SSC4D: variants seen among roughly 807,000 people sequenced by gnomAD.
The protein encoded by SSC4D is scavenger receptor cysteine rich family member with 4 domains, also known as scavenger receptor cysteine-rich domain-containing group B protein.
A neutral mutation model predicts 63.4 loss-of-function variants in SSC4D; 57 were observed. The ratio of observed to expected loss-of-function variants is 0.90; its 90% CI spans 0.73 to 1.12. SSC4D has a LOEUF of 1.12. Ranked by LOEUF, SSC4D falls within the 50% of genes most tolerant of loss-of-function variation. SSC4D has a pLI of 0.00. For missense variants in SSC4D, 791 were observed against 806.4 expected, an observed-to-expected ratio of 0.98 and a Z score of 0.23; for synonymous variants, 352 against 345.4, an observed-to-expected ratio of 1.02 and a Z score of -0.21.
chr7:76,406,815 C>A (rs1805050466), intron 1 of SSC4D, among the ~76,000 whole-genome samples: 1 of 151,812 alleles, frequency 6.6e-6, no homozygotes, highest in South Asian at 2.1e-4. Flanking sequence ...GGCCTTTCCA[C>A]CCAAAATGGG....
At chr7:76,403,709 T>C (rs1804903759) in intron 2 of SSC4D, among the ~76,000 whole-genome samples, 1 of 151,838 alleles carries the variant, frequency 6.6e-6, no homozygotes, top group South Asian at 2.1e-4. Flanking sequence ...TCACCCAGGC[T>C]GGAGTGCAGT....
In SSC4D at chr7:76,392,036, C is replaced by G; in HGVS notation, c.1339G>C (p.Glu447Gln). 1 of 1,572,184 alleles carries G rather than the reference C, an allele frequency of 6.4e-7. No individual in the cohort carries two copies. The highest frequency in any genetic ancestry group is 8.6e-7 in the Non-Finnish European group (1 of 1,158,066). Residue 447 changes from glutamate to glutamine, a missense_variant, in exon 10 of 11, where the codon GAG (glutamate) becomes CAG (glutamine). Glu to Gln is a conservative substitution (Grantham distance 29). Transcript: ENST00000275560. ...TGCTGGACTTGCAGTCCCAGCTCCT[C>G]TGGGCCTGGTTCAGGAAGGACAGAG... ...EDAGALCAGPEELGLQVQQDG... is the reference protein window; with the variant it reads ...EDAGALCAGPQELGLQVQQDG...
At chr7:76,406,214 G>A (rs1416726874) in intron 1 of SSC4D, among the ~76,000 whole-genome samples, 2 of 152,106 alleles carry the variant, frequency 1.3e-5, no homozygotes, top group Non-Finnish European at 2.9e-5. Flanking sequence ...CTGACCTCAG[G>A]TGATCCACGC....
At chr7:76,400,885 C>T (rs1804802099) in intron 3 of SSC4D, 123 bp downstream of exon 3, 1 of 1,353,516 alleles carries the variant, frequency 7.4e-7, no homozygotes, top group South Asian at 1.3e-5. Flanking sequence ...TACAGCTCCC[C>T]TGAGATGGGG....
At chr7:76,401,745 G>A (rs1232370163) in intron 2 of SSC4D, among the ~76,000 whole-genome samples, 4 of 152,122 alleles carry the variant, frequency 2.6e-5, no homozygotes, top group Non-Finnish European at 4.4e-5. Flanking sequence ...CCAGCTTGGA[G>A]CCCCTTCCTC....
In SSC4D at chr7:76,389,838, T is replaced by C. The variant is rs916304280; in HGVS notation, c.*221A>G. 8 of 594,872 alleles carry C rather than the reference T, an allele frequency of 1.3e-5. No homozygotes were observed. Among genetic ancestry groups the C allele is most frequent in the Middle Eastern group, 4.2e-4 (1 of 2,382 alleles). 36.8% of individuals were successfully genotyped at this position (594,872 alleles called of 1,614,324 possible). A position where few individuals can be genotyped will look rare whatever the true frequency, so the allele number is the denominator to read the frequency against. ...CAAAACCACAGGAGCTTTCACTGAATTGGGCTCACAACAGTCGATGACAGG... is the reference window on the plus strand; with the variant it reads ...CAAAACCACAGGAGCTTTCACTGAACTGGGCTCACAACAGTCGATGACAGG... On this transcript the variant is annotated 3_prime_UTR_variant, in exon 11 of 11. Transcript: ENST00000275560.
chr7:76,397,486 C>T, intron 6 of SSC4D, 32 bp downstream of exon 6: 1 of 1,455,998 alleles, frequency 6.9e-7, no homozygotes, highest in South Asian at 1.4e-5. Context: ...CCCACCTGCC[C>T]CGGCCCCGCC....
intron 2 of SSC4D, among the ~76,000 whole-genome samples, chr7:76,402,182 ATT>A (rs57389874): frequency 6.4e-4 from 81 of 127,160 alleles, no homozygotes; most frequent in African/African-American, 1.7e-3. Flanking sequence ...CTGCCCAGCT[ATT>A]TTTTTTTTTT....
At chr7:76,396,190 C>G (rs1451174849) in intron 6 of SSC4D, among the ~76,000 whole-genome samples, 1 of 152,196 alleles carries the variant, frequency 6.6e-6, no homozygotes, top group African/African-American at 2.4e-5. Flanking sequence ...TCACTCGACT[C>G]AGGAGGTGGA....
chr7:76,402,772 T>C (rs57710245), intron 2 of SSC4D, among the ~76,000 whole-genome samples: 27,766 of 152,026 alleles, frequency 0.18, 2,780 homozygotes, highest in South Asian at 0.25. Context: ...TGGGTTCAAG[T>C]GATTCTCCTG....
chr7:76,394,710 G>A (rs1223249737), intron 7 of SSC4D, among the ~76,000 whole-genome samples: 1 of 146,586 alleles, frequency 6.8e-6, no homozygotes. Flanking sequence ...TTACAGGCAT[G>A]AGCCACTATG....
In SSC4D at chr7:76,389,555, C is replaced by G; in HGVS notation, c.*504G>C. The G allele has an allele frequency of 6.3e-6, 1 of 157,832 alleles. No homozygotes were observed. Among genetic ancestry groups the G allele is most frequent in the Admixed American group, 6.1e-5 (1 of 16,470 alleles). The allele number at this position is 157,832 out of a possible 1,614,324, so 9.8% of individuals were successfully genotyped here. On this transcript the variant is annotated 3_prime_UTR_variant, in exon 11 of 11. Transcript: ENST00000275560. ...CACCATCTGAGTTAGTCCAGGCCCT[C>G]GCGGAGCAGGGCAGGACAGGGACCC... is the stretch of plus-strand genomic sequence containing the variant.
intron 6 of SSC4D, among the ~76,000 whole-genome samples, chr7:76,396,378 A>G (rs1804640126): frequency 6.6e-6 from 1 of 152,230 alleles, no homozygotes; most frequent in Non-Finnish European, 1.5e-5. Flanking sequence ...TTCTTAAAAT[A>G]TCTGCATAAT....
Position 76,397,787 on chromosome 7 carries a change from C to T in SSC4D, c.599G>A (p.Gly200Asp). 1 of 1,607,052 alleles carries T rather than the reference C, an allele frequency of 6.2e-7. No individual in the cohort carries two copies. Among genetic ancestry groups the T allele is most frequent in the Non-Finnish European group, 8.5e-7 (1 of 1,175,620 alleles). Residue 200 changes from glycine (G) to aspartate (D), a missense_variant, in exon 6 of 11, where the codon GGC becomes GAC. Gly to Asp is a moderately conservative substitution (Grantham distance 94, BLOSUM62 -1). Transcript: ENST00000275560. ...GCCACTGTGCAGGATCTCCACTCGGCCCTGACACAGGTTCGCGCCCCCTAC... is the reference window on the plus strand; with the variant it reads ...GCCACTGTGCAGGATCTCCACTCGGTCCTGACACAGGTTCGCGCCCCCTAC... ...RLVGGANLCQ[G>D]RVEILHSGLW...
At position 76,393,580 on chromosome 7, in the gene SSC4D, G is replaced by T. The variant is rs1333722815; in HGVS notation, c.1158C>A (p.Gly386=). Residue 386 remains glycine, a synonymous_variant, in exon 9 of 11, where the codon GGC becomes GGA. Coordinates refer to ENST00000275560, the MANE Select transcript of SSC4D (RefSeq NM_080744.2). ...CCGTAGCGCCCAGCGCAGGCCCGCA[G>T]CCCGCTTCGCGGCAGGCCACGCGCG... The part of the protein sequence containing the change: ...ADARVACREA[G]CGPALGATGL... 6.6e-7 allele frequency: 1 copy of T among 1,511,456 alleles called. No individual in the cohort carries two copies. The highest frequency in any genetic ancestry group is 2.1e-5 in the Admixed American group (1 of 48,468). The allele number at this position is 1,511,456 out of a possible 1,614,324, so 93.6% of individuals were successfully genotyped here. A position where few individuals can be genotyped will look rare whatever the true frequency, so the allele number is the denominator to read the frequency against.
At chr7:76,398,669 G>GA (rs1411799685) in intron 5 of SSC4D, 51 bp downstream of exon 5, 3 of 1,577,720 alleles carry the variant, frequency 1.9e-6, no homozygotes, top group Non-Finnish European at 2.6e-6. Flanking sequence ...GGTAGGGTGT[G>GA]AGAGACTCCT....
At position 76,393,427 on chromosome 7, in the gene SSC4D, C is replaced by T. The variant is rs1055731790; in HGVS notation, c.1311G>A (p.Glu437=). Reference sequence around the variant, plus strand: ...CACCTGCGCAGAGCGCTCCCGCGTCCTCGTGGTGGCCGCAGTTGTGCTGGC... The same window carrying T: ...CACCTGCGCAGAGCGCTCCCGCGTCTTCGTGGTGGCCGCAGTTGTGCTGGC... ...GWGQHNCGHH[E]DAGALCAGPE... is the part of the protein sequence containing the mutation. Residue 437 remains glutamate (E), a synonymous_variant, in exon 9 of 11, where the codon GAG becomes GAA. Transcript: ENST00000275560. 2.7e-6 allele frequency: 4 copies of T among 1,501,208 alleles called. No homozygotes were observed. The highest frequency in any genetic ancestry group is 5.3e-5 in the East Asian group (2 of 37,512). 93.0% of individuals were successfully genotyped at this position (1,501,208 alleles called of 1,614,324 possible).
intron 4 of SSC4D, 81 bp from the exon 5 acceptor site, chr7:76,398,878 G>C (rs990827955): frequency 1.0e-4 from 149 of 1,427,736 alleles, no homozygotes; most frequent in Admixed American, 4.6e-4. Context: ...GCAGGAGGAT[G>C]GACCCATAAG....
chr7:76,401,289 C>G (rs943221886), intron 2 of SSC4D, among the ~76,000 whole-genome samples: 1 of 152,178 alleles, frequency 6.6e-6, no homozygotes, highest in African/African-American at 2.4e-5. Context: ...ATCTGTAGAT[C>G]TGCACATCTC....
Sources: gnomAD v4.1 joint callset for allele counts (sites outside exome capture counted in the v4.1 genomes callset) on GRCh38, gnomAD v4.1.1 for gene constraint, MANE v1.5 for transcripts, NCBI Gene and HGNC (gene_info 2026-07-23, HGNC 2026-07-21) for gene names.